The following RAD18 variants were observed in gnomAD, a reference collection of about 807,000 sequenced individuals.
RAD18 encodes the protein RAD18 E3 ubiquitin protein ligase, also known as E3 ubiquitin-protein ligase RAD18.
RAD18 carries 47 observed loss-of-function variants against 60.4 expected under a neutral mutation model. The ratio of observed to expected loss-of-function variants is 0.78; its 90% CI spans 0.62 to 0.99. RAD18 has a LOEUF of 0.99. Ranked by LOEUF, RAD18 falls within the 50% of genes least tolerant of loss-of-function variation. The probability of loss-of-function intolerance (pLI) is 0.00; values close to 1 mark genes in which losing one functional copy is unlikely to be tolerated. For missense variants in RAD18, 640 were observed against 593.3 expected (o/e 1.08, Z -0.82); for synonymous variants, 225 against 195.5 (o/e 1.15, Z -1.26).
intron 7 of RAD18, among the ~76,000 whole-genome samples, chr3:8,930,163 A>G (rs554080267): frequency 6.6e-6 from 1 of 152,352 alleles, no homozygotes; most frequent in African/African-American, 2.4e-5. Context: ...CAAAAAGTGG[A>G]AAAATGTCAG....
chr3:8,932,742 C>T (rs1940580836), intron 7 of RAD18, among the ~76,000 whole-genome samples: 1 of 152,142 alleles, frequency 6.6e-6, no homozygotes, highest in African/African-American at 2.4e-5. Context: ...TGTCCATCAA[C>T]AGGTGAAGGG....
intron 7 of RAD18, among the ~76,000 whole-genome samples, chr3:8,917,419 C>T (rs1196751857): frequency 6.6e-6 from 1 of 152,084 alleles, no homozygotes; most frequent in Admixed American, 6.5e-5. Flanking sequence ...TCGTTTTTAA[C>T]TACTCTAAAA....
chr3:8,933,808 T>C (rs1940604061), intron 7 of RAD18, among the ~76,000 whole-genome samples: 1 of 152,164 alleles, frequency 6.6e-6, no homozygotes, highest in South Asian at 2.1e-4. Context: ...TAAAAACTTA[T>C]ATGGAAATAC....
chr3:8,916,650 C>CT (rs911498727), intron 7 of RAD18, among the ~76,000 whole-genome samples: 9 of 151,700 alleles, frequency 5.9e-5, no homozygotes, highest in Non-Finnish European at 8.8e-5. Flanking sequence ...AATGGAAATA[C>CT]TTTTTTTTAG....
chr3:8,959,115 C>G (rs1941058210), intron 1 of RAD18, 114 bp from the exon 2 acceptor site: 1 of 792,122 alleles, frequency 1.3e-6, no homozygotes, highest in East Asian at 2.5e-5. Flanking sequence ...GTCAAATACA[C>G]AAATTCAAAA....
chr3:8,945,309 C>T (rs776077343), intron 4 of RAD18, among the ~76,000 whole-genome samples: 4 of 152,022 alleles, frequency 2.6e-5, no homozygotes, highest in Non-Finnish European at 5.9e-5. Context: ...ACATAAGGTA[C>T]CTCATAGAAT....
chr3:8,912,522 C>G (rs6772242), intron 8 of RAD18, 150 bp from the exon 9 acceptor site: 420 of 470,732 alleles, frequency 8.9e-4, no homozygotes, highest in African/African-American at 7.5e-3. Context: ...AGAATCATTC[C>G]TATGTACTTC....
intron 12 of RAD18, 25 bp from the exon 13 acceptor site, chr3:8,881,484 A>G: frequency 6.5e-7 from 1 of 1,536,262 alleles, no homozygotes; most frequent in Non-Finnish European, 9.0e-7. Flanking sequence ...AGGAAATGAC[A>G]TCTTGGAAAG....
intron 2 of RAD18, among the ~76,000 whole-genome samples, chr3:8,955,744 G>T (rs1027062060): frequency 6.6e-6 from 1 of 152,110 alleles, no homozygotes; most frequent in African/African-American, 2.4e-5. Flanking sequence ...CAAATCTCTC[G>T]GCTTGGAAAT....
chr3:8,937,630 A>G (rs1307934107), intron 6 of RAD18, among the ~76,000 whole-genome samples: 1 of 152,168 alleles, frequency 6.6e-6, no homozygotes, highest in Admixed American at 6.6e-5. Flanking sequence ...ACAACTAAAG[A>G]AGAACATGGC....
At chr3:8,952,842 C>T (rs1488746619) in intron 2 of RAD18, among the ~76,000 whole-genome samples, 2 of 152,122 alleles carry the variant, frequency 1.3e-5, no homozygotes, top group Non-Finnish European at 2.9e-5. Flanking sequence ...AGGAAAGCAC[C>T]AGAGTCCAGA....
intron 7 of RAD18, among the ~76,000 whole-genome samples, chr3:8,923,931 G>C (rs1170566880): frequency 2.0e-5 from 3 of 152,108 alleles, no homozygotes; most frequent in Non-Finnish European, 2.9e-5. Flanking sequence ...ACGTGGAAAG[G>C]AACAACCAGT....
chr3:8,881,815 C>G (rs1939468119), intron 12 of RAD18, among the ~76,000 whole-genome samples: 1 of 152,226 alleles, frequency 6.6e-6, no homozygotes, highest in Admixed American at 6.5e-5. Flanking sequence ...TTTGATCCTT[C>G]AGAGACCTGA....
intron 11 of RAD18, among the ~76,000 whole-genome samples, chr3:8,898,377 C>T (rs1939833303): frequency 1.1e-5 from 1 of 87,174 alleles, no homozygotes; most frequent in African/African-American, 4.4e-5. Context: ...TGTGTGTGTG[C>T]ATGCGTGTGT....
In RAD18 at chr3:8,912,412, A is replaced by G. The variant is rs751740905; in HGVS notation, c.967-40T>C. ...AAAAGACCTTAATAAAAATCTCCCC[A>G]AAATGACAAAAAGGGAAATATTACA... is the stretch of plus-strand genomic sequence containing the variant. On this transcript the variant is annotated intron_variant, in intron 8 of 12. Transcript: ENST00000264926. 8 of 1,363,754 alleles carry G rather than the reference A, an allele frequency of 5.9e-6. No individual in the cohort carries two copies. The South Asian group carries it at 1.1e-4, about 18-fold the overall frequency. The allele number at this position is 1,363,754 out of a possible 1,614,324, so 84.5% of individuals were successfully genotyped here.
At chr3:8,948,365 A>G in intron 3 of RAD18, 144 bp downstream of exon 3, 1 of 647,366 alleles carries the variant, frequency 1.5e-6, no homozygotes, top group Non-Finnish European at 2.6e-6. Context: ...CATGTACTTT[A>G]GAGGTCCTTT....
At chr3:8,884,592 C>T (rs1204410996) in intron 12 of RAD18, among the ~76,000 whole-genome samples, 1 of 151,094 alleles carries the variant, frequency 6.6e-6, no homozygotes, top group Non-Finnish European at 1.5e-5. Flanking sequence ...TATTCTCATA[C>T]CTTGTTTTTA....
chr3:8,894,474 A>C (rs1939750755), intron 11 of RAD18, among the ~76,000 whole-genome samples: 1 of 152,216 alleles, frequency 6.6e-6, no homozygotes, highest in African/African-American at 2.4e-5. Flanking sequence ...AACAAACAAA[A>C]AAAGCTATTA....
At chr3:8,919,761 C>T (rs1940281235) in intron 7 of RAD18, among the ~76,000 whole-genome samples, 1 of 152,128 alleles carries the variant, frequency 6.6e-6, no homozygotes, top group African/African-American at 2.4e-5. Context: ...AAAGAAATGG[C>T]TGATTTCAGG....
Sources: allele counts gnomAD v4.1 joint callset (sites outside exome capture counted in the v4.1 genomes callset), GRCh38; gene constraint gnomAD v4.1.1; transcripts MANE v1.5; gene names NCBI Gene and HGNC (gene_info 2026-07-23, HGNC 2026-07-21).